The following NEB variants were observed in gnomAD, a reference collection of about 807,000 sequenced individuals.
NEB encodes nemaline myopathy type 2.
A neutral mutation model predicts 952.2 loss-of-function variants in NEB; 512 were observed. The observed-to-expected ratio is 0.54, with a 90% CI of 0.50 to 0.58. The LOEUF is 0.58. Ranked by LOEUF, NEB falls within the 20% of genes least tolerant of loss-of-function variation. The probability of loss-of-function intolerance (pLI) is 0.00; values close to 1 mark genes in which losing one functional copy is unlikely to be tolerated. For synonymous variants in NEB, 2,900 were observed against 3,149.8 expected (o/e 0.92, Z 2.66); for missense variants, 8,428 against 9,231.1 (o/e 0.91, Z 3.56).
At chr2:151,614,900 T>G (rs2098139687) in intron 76 of NEB, among the ~76,000 whole-genome samples, 1 of 152,212 alleles carries the variant, frequency 6.6e-6, no homozygotes. Context: ...GTAAATATAT[T>G]GTACAATCTG....
chr2:151,632,582 A>G (rs2098690460), intron 65 of NEB, among the ~76,000 whole-genome samples: 1 of 151,512 alleles, frequency 6.6e-6, no homozygotes, highest in South Asian at 2.1e-4. Context: ...AGGCTGAAGC[A>G]TGAGAATCAC....
rs1204109445 is a variant in NEB, at chr2:151,531,702, C to A, written c.21522+90G>T. ...CTCCCTCCCACTAAATGGCAGTAGT[C>A]TCCCAGACTTTGTGACAATTTAAAA... On this transcript the variant is annotated intron_variant, in intron 144 of 181. Transcript: ENST00000397345. 1.1e-5 allele frequency: 11 copies of A among 979,560 alleles called. No homozygotes were observed. The South Asian group carries it at 1.5e-4, about 14-fold the overall frequency. The allele number at this position is 979,560 out of a possible 1,614,324, so 60.7% of individuals were successfully genotyped here.
At position 151,680,746 on chromosome 2, in the gene NEB, T is replaced by C; in HGVS notation, c.3026A>G (p.Gln1009Arg). Residue 1009 changes from glutamine (Q) to arginine (R), a missense_variant, in exon 30 of 182, where the codon CAG becomes CGG. Transcript: ENST00000397345. ...AACACTTACATCACTCCTCTGGGCCTGGTTAATTTTAGACTGTACTGTAAT... is the reference window on the plus strand; with the variant it reads ...AACACTTACATCACTCCTCTGGGCCCGGTTAATTTTAGACTGTACTGTAAT... ...APITVQSKIN[Q>R]AQRSDIAYKA... is the part of the protein sequence containing the mutation. 1 of 1,605,784 alleles carries C rather than the reference T, an allele frequency of 6.2e-7. No individual in the cohort carries two copies. The highest frequency in any genetic ancestry group is 8.5e-7 in the Non-Finnish European group (1 of 1,172,778).
chr2:151,610,971 T>A, intron 78 of NEB, 105 bp from the exon 79 acceptor site: 1 of 700,912 alleles, frequency 1.4e-6, no homozygotes, highest in Non-Finnish European at 2.3e-6. Flanking sequence ...AACTCACATT[T>A]AACTATAAAA....
chr2:151,525,252 C>T lies in NEB; in HGVS notation c.22183G>A (p.Val7395Ile), dbSNP rs1396168176. 11 of 1,613,358 alleles carry T rather than the reference C, an allele frequency of 6.8e-6. No homozygotes were observed. In the African/African-American group the frequency reaches 1.2e-4, roughly 18 times the overall value. ...VSDTNYKKKF[V>I]KEKGKSNYSI... ...TAGTTGGATTTTCCTTTCTCCTTGA[C>T]AAACTTCTTTTTGTAATTTGTCTAA... is the stretch of plus-strand genomic sequence containing the variant. The change falls in exon 151 of 182, where the codon GTC becomes ATC. Residue 7395 changes from valine (V) to isoleucine (I), a missense_variant. Physicochemically the swap from Val to Ile is conservative, Grantham distance 29. Coordinates refer to ENST00000397345, the MANE Select transcript of NEB (RefSeq NM_001164508.2).
In NEB at chr2:151,655,942, T is replaced by C. The variant is rs1373545076; in HGVS notation, c.6577A>G (p.Lys2193Glu). The C allele has an allele frequency of 2.5e-6, 4 of 1,613,718 alleles. No individual in the cohort carries two copies. Among genetic ancestry groups the C allele is most frequent in the East Asian group, 2.2e-5 (1 of 44,894 alleles). The change falls in exon 50 of 182, where the codon AAG becomes GAG. Residue 2193 changes from lysine (K) to glutamate (E), a missense_variant. Around this residue, in one of 11 missense-constraint regions of NEB, gnomAD observed 2,851 missense variants for 2,791.5 expected, o/e 1.02. Transcript: ENST00000397345. Reference protein sequence around the residue: ...PAGSLEVEKAKKATEYASDQK... With the variant: ...PAGSLEVEKAEKATEYASDQK... The stretch of plus-strand genomic sequence containing the variant: ...TCACTGGCATATTCAGTTGCTTTCT[T>C]GGCCTTCTCCACTTCCAGAGAACCT...
At chr2:151,570,718 G>T in intron 107 of NEB, 117 bp from the exon 108 acceptor site, 1 of 874,452 alleles carries the variant, frequency 1.1e-6, no homozygotes, top group Non-Finnish European at 1.9e-6. Context: ...CTTGAGAGCA[G>T]TTAAAGAAGA....
chr2:151,609,726 G>T (rs1398133188), intron 81 of NEB, 83 bp downstream of exon 81: 16 of 1,366,370 alleles, frequency 1.2e-5, no homozygotes, highest in Non-Finnish European at 2.0e-6. Flanking sequence ...ACAGCCCAGG[G>T]GACTGTCCTC....
chr2:151,653,430 C>A (rs551409341), intron 52 of NEB, among the ~76,000 whole-genome samples: 7 of 152,192 alleles, frequency 4.6e-5, no homozygotes, highest in African/African-American at 1.4e-4. Flanking sequence ...AATCTATGAA[C>A]TTTAGATTGG....
chr2:151,696,478 A>C (rs773109038), intron 17 of NEB, among the ~76,000 whole-genome samples, 159 bp downstream of exon 17: 24 of 152,236 alleles, frequency 1.6e-4, no homozygotes, highest in Non-Finnish European at 3.1e-4. Flanking sequence ...CCACCCAAGA[A>C]AATGCAGAAA....
intron 10 of NEB, among the ~76,000 whole-genome samples, chr2:151,711,745 A>C (rs905591417): frequency 6.6e-6 from 1 of 152,214 alleles, no homozygotes; most frequent in Non-Finnish European, 1.5e-5. Flanking sequence ...TTCGCTAAAG[A>C]GTGCTTTGTA....
intron 5 of NEB, among the ~76,000 whole-genome samples, chr2:151,726,849 G>A (rs922080271): frequency 6.6e-6 from 1 of 152,042 alleles, no homozygotes; most frequent in Non-Finnish European, 1.5e-5. Flanking sequence ...AACATAGCAA[G>A]ACCCTACCTC....
In NEB at chr2:151,692,339, C is replaced by A. The variant is rs1272781788; in HGVS notation, c.1920G>T (p.Glu640Asp). Residue 640 changes from glutamate (E) to aspartate (D), a missense_variant, in exon 21 of 182, where the codon GAG becomes GAT. Physicochemically the swap from Glu to Asp is conservative, Grantham distance 45. This residue lies in a region of NEB where 2,851 missense variants were observed against 2,791.5 expected (regional missense o/e 1.02). Coordinates refer to ENST00000397345, the MANE Select transcript of NEB (RefSeq NM_001164508.2). ...QSDRLYKENY[E>D]KTKAKSMNYC... ...AATTCATACTCTTTGCCTTTGTCTTCTCATAGTTTTCCTTGTATAATCTCT... is the reference window on the plus strand; with the variant it reads ...AATTCATACTCTTTGCCTTTGTCTTATCATAGTTTTCCTTGTATAATCTCT... 1 of 1,611,082 alleles carries A rather than the reference C, an allele frequency of 6.2e-7. No individual in the cohort carries two copies. Among genetic ancestry groups the A allele is most frequent in the Non-Finnish European group, 8.5e-7 (1 of 1,178,102 alleles).
At position 151,626,990 on chromosome 2, in the gene NEB, T is replaced by C. The variant is rs750050167; in HGVS notation, c.10347+12A>G. On this transcript the variant is annotated intron_variant, in intron 70 of 181. Coordinates refer to ENST00000397345, the MANE Select transcript of NEB (RefSeq NM_001164508.2). Reference sequence around the variant, plus strand: ...TAGCCCTGTCTTATTTTCCTACAAATTGGGGGCTCACCTTGTTCATATTGA... The same window carrying C: ...TAGCCCTGTCTTATTTTCCTACAAACTGGGGGCTCACCTTGTTCATATTGA... 34 of 1,613,154 alleles carry C rather than the reference T, an allele frequency of 2.1e-5. No homozygotes were observed. Among genetic ancestry groups the C allele is most frequent in the South Asian group, 3.3e-5 (3 of 91,056 alleles).
At chr2:151,499,529 G>T (rs2062843777) in intron 168 of NEB, 139 bp from the exon 169 acceptor site, 1 of 592,404 alleles carries the variant, frequency 1.7e-6, no homozygotes, top group Non-Finnish European at 3.0e-6. Context: ...CTCTGTTCAG[G>T]CACAGATCTG....
chr2:151,503,114 A>T (rs1050031928), intron 166 of NEB: 3 of 585,872 alleles, frequency 5.1e-6, no homozygotes, highest in Non-Finnish European at 9.0e-6. Context: ...ACGCTGAGGA[A>T]TCTTGTTAAT....
rs1022611255 is a variant in NEB at position 151,581,718 on chromosome 2, T to C, written c.16180-131A>G. The C allele has an allele frequency of 6.6e-6, 6 of 911,888 alleles. No individual in the cohort carries two copies. The East Asian group carries it at 1.4e-4, about 21-fold the overall frequency. The allele number at this position is 911,888 out of a possible 1,614,324, so 56.5% of individuals were successfully genotyped here. ...AAAAAATTTTAAGTGAATTTTATAA[T>C]AAATTAAAACTAACATAAGTAAATT... is the stretch of plus-strand genomic sequence containing the variant. On this transcript the variant is annotated intron_variant, in intron 102 of 181. Coordinates refer to ENST00000397345, the MANE Select transcript of NEB (RefSeq NM_001164508.2).
intron 46 of NEB, 71 bp downstream of exon 46, chr2:151,662,061 CCTG>C: frequency 7.4e-7 from 1 of 1,349,998 alleles, no homozygotes; most frequent in Admixed American, 2.1e-5. Flanking sequence ...ATTAGCAAAA[CCTG>C]TGGATTAAAT....
At chr2:151,569,537 G>A (rs1323116739) in intron 109 of NEB, among the ~76,000 whole-genome samples, 165 bp from the exon 110 acceptor site, 1 of 152,150 alleles carries the variant, frequency 6.6e-6, no homozygotes, top group Non-Finnish European at 1.5e-5. Flanking sequence ...AGGCGGCCAG[G>A]CAGTGTGACA....
Sources: gnomAD v4.1 joint callset for allele counts (sites outside exome capture counted in the v4.1 genomes callset) on GRCh38, gnomAD v4.1.1 for gene constraint, gnomAD v4.1.1 regional missense constraint, MANE v1.5 for transcripts, NCBI Gene and HGNC (gene_info 2026-07-23, HGNC 2026-07-21) for gene names.